The following HMCN1 variants were observed in gnomAD, a reference collection of about 807,000 sequenced individuals.
HMCN1 encodes the protein hemicentin 1.
In HMCN1, 321 loss-of-function variants were observed where a neutral mutation model predicts 625.9. That is an observed-to-expected ratio of 0.51 (90% confidence interval 0.47 to 0.56). The LOEUF is 0.56. HMCN1 is among the 20% of genes least tolerant of loss of function. The pLI, the probability that HMCN1 is intolerant of heterozygous loss-of-function variation, is 0.00. For missense variants in HMCN1, 6,588 were observed against 6,887.3 expected (o/e 0.96, Z 1.54); for synonymous variants, 2,425 against 2,417.6 (o/e 1.00, Z -0.09).
chr1:186,094,827 C>G (rs1660043157), intron 67 of HMCN1, among the ~76,000 whole-genome samples: 1 of 152,052 alleles, frequency 6.6e-6, no homozygotes, highest in Non-Finnish European at 1.5e-5. Context: ...TTTCTCAATC[C>G]CCAAGAACAC....
chr1:185,885,394 A>G (rs1334680298), intron 4 of HMCN1, among the ~76,000 whole-genome samples: 2 of 152,020 alleles, frequency 1.3e-5, no homozygotes, highest in Non-Finnish European at 2.9e-5. Context: ...ATTGAGTGTT[A>G]TAGTTGAAGC....
chr1:185,946,737 C>CT, intron 11 of HMCN1, among the ~76,000 whole-genome samples: 1 of 152,232 alleles, frequency 6.6e-6, no homozygotes, highest in African/African-American at 2.4e-5. Flanking sequence ...AAGTTCACGA[C>CT]TTTTTTGTTA....
At chr1:185,959,870 G>T (rs1156791766) in intron 11 of HMCN1, among the ~76,000 whole-genome samples, 1 of 152,170 alleles carries the variant, frequency 6.6e-6, no homozygotes, top group East Asian at 1.9e-4. Context: ...CTTCATTGAT[G>T]GAGTTGAACT....
chr1:185,871,212 G>C (rs560290911), intron 4 of HMCN1, among the ~76,000 whole-genome samples: 1 of 146,570 alleles, frequency 6.8e-6, no homozygotes, highest in Non-Finnish European at 1.5e-5. Context: ...CTGGGCGACA[G>C]AGAGAGACTC....
intron 1 of HMCN1, among the ~76,000 whole-genome samples, chr1:185,824,049 T>TA (rs1189142014): frequency 6.6e-6 from 1 of 152,192 alleles, no homozygotes; most frequent in Non-Finnish European, 1.5e-5. Flanking sequence ...GGAGTCTATT[T>TA]AAAAATATTC....
At chr1:185,744,926 T>C (rs577694773) in intron 1 of HMCN1, among the ~76,000 whole-genome samples, 31 of 152,206 alleles carry the variant, frequency 2.0e-4, no homozygotes, top group African/African-American at 7.2e-4. Context: ...AGCTGGGAGA[T>C]GAAATGTGAG....
In HMCN1 at chr1:185,789,628, T is replaced by C. The variant is rs191345783; in HGVS notation, c.268+54581T>C. ...AACCTGATGAATGACATATGACATA[T>C]GACATATGAATGAAGAATGATACTT... On this transcript the variant is annotated intron_variant, in intron 1 of 106. Transcript: ENST00000271588. Among the ~76,000 whole-genome samples, 129 of 152,282 alleles carry C rather than the reference T, an allele frequency of 8.5e-4. No individual in the cohort carries two copies. In the Middle Eastern group the frequency reaches 0.014, roughly 16 times the overall value.
At chr1:186,158,019 G>A (rs1184267925) in intron 97 of HMCN1, among the ~76,000 whole-genome samples, 4 of 150,420 alleles carry the variant, frequency 2.7e-5, no homozygotes, top group African/African-American at 9.8e-5. Context: ...TCGCCACACT[G>A]ACTTCCACAA....
chr1:185,895,227 G>A (rs958065211), intron 4 of HMCN1, among the ~76,000 whole-genome samples: 1 of 152,148 alleles, frequency 6.6e-6, no homozygotes, highest in Admixed American at 6.5e-5. Flanking sequence ...GCAAGTAAAA[G>A]CCATGGTTTA....
In HMCN1 at chr1:186,090,799, A is replaced by G. The variant is rs768158077; in HGVS notation, c.9769A>G (p.Ser3257Gly). 5 of 1,612,550 alleles carry G rather than the reference A, an allele frequency of 3.1e-6. No individual in the cohort carries two copies. In the African/African-American group the frequency reaches 5.3e-5, roughly 17 times the overall value. Residue 3257 changes from serine to glycine, a missense_variant, in exon 64 of 107, where the codon AGT (serine) becomes GGT (glycine). Physicochemically the swap from Ser to Gly is moderately conservative, Grantham distance 56. Coordinates refer to ENST00000271588, the MANE Select transcript of HMCN1 (RefSeq NM_031935.3). ...VAGAEIPSDVSVLLGENVELV... is the reference protein window; with the variant it reads ...VAGAEIPSDVGVLLGENVELV... ...TGGTGCTGAAATTCCAAGTGATGTC[A>G]GTGTCCTTCTAGGAGAAAATGTTGA...
chr1:185,947,107 G>T (rs1004884128), intron 11 of HMCN1, among the ~76,000 whole-genome samples: 9 of 152,170 alleles, frequency 5.9e-5, no homozygotes, highest in African/African-American at 1.9e-4. Context: ...TGCCAAGATA[G>T]ATTTTGCGTA....
At chr1:185,755,417 G>A (rs530151271) in intron 1 of HMCN1, among the ~76,000 whole-genome samples, 1 of 152,308 alleles carries the variant, frequency 6.6e-6, no homozygotes, top group South Asian at 2.1e-4. Flanking sequence ...GCTCAGGGAT[G>A]TCTAGACCAA....
At chr1:186,098,715 CAAAT>C (rs1157858398) in intron 68 of HMCN1, among the ~76,000 whole-genome samples, 4 of 151,944 alleles carry the variant, frequency 2.6e-5, no homozygotes, top group African/African-American at 7.2e-5. Flanking sequence ...ATCAGTATGT[CAAAT>C]AAATCCATGT....
At position 185,925,132 on chromosome 1, in the gene HMCN1, G is replaced by C; in HGVS notation, c.1371G>C (p.Leu457Phe). Residue 457 changes from leucine to phenylalanine, a missense_variant, in exon 9 of 107, where the codon TTG (leucine) becomes TTC (phenylalanine). Transcript: ENST00000271588. ...TTCCCTGCTCTGTTGACAGTCTTTT[G>C]CCCTTTACCTTGAGCTTTGTCAGAA... Reference protein sequence around the residue: ...GQIPCSVDSLLPFTLSFVRNG... With the variant: ...GQIPCSVDSLFPFTLSFVRNG... 1 of 1,613,872 alleles carries C rather than the reference G, an allele frequency of 6.2e-7. No individual in the cohort carries two copies. The highest frequency in any genetic ancestry group is 8.5e-7 in the Non-Finnish European group (1 of 1,179,880).
chr1:186,143,010 T>A (rs1015551440), intron 89 of HMCN1, among the ~76,000 whole-genome samples: 1 of 152,186 alleles, frequency 6.6e-6, no homozygotes, highest in Admixed American at 6.5e-5. Flanking sequence ...ACAGAAGTAG[T>A]TTTGAATATC....
At chr1:185,959,387 T>C (rs1369522280) in intron 11 of HMCN1, among the ~76,000 whole-genome samples, 2 of 152,188 alleles carry the variant, frequency 1.3e-5, no homozygotes, top group African/African-American at 4.8e-5. Flanking sequence ...CCACTTACAC[T>C]TCATTTTTGC....
intron 2 of HMCN1, among the ~76,000 whole-genome samples, chr1:185,857,419 G>C (rs1170927188): frequency 6.6e-6 from 1 of 152,002 alleles, no homozygotes; most frequent in African/African-American, 2.4e-5. Context: ...TTAGGGAGCT[G>C]TCTAATTCTA....
chr1:185,776,151 T>A (rs952929309), intron 1 of HMCN1, among the ~76,000 whole-genome samples: 1 of 152,224 alleles, frequency 6.6e-6, no homozygotes, highest in African/African-American at 2.4e-5. Flanking sequence ...TTCCTATTTA[T>A]TTTTATTAGA....
At chr1:185,920,741 A>G (rs1384409080) in intron 6 of HMCN1, among the ~76,000 whole-genome samples, 1 of 152,070 alleles carries the variant, frequency 6.6e-6, no homozygotes, top group African/African-American at 2.4e-5. Context: ...TGATTTATGC[A>G]CAGAACACTT....
Sources: gnomAD v4.1 joint callset for allele counts (sites outside exome capture counted in the v4.1 genomes callset) on GRCh38, gnomAD v4.1.1 for gene constraint, MANE v1.5 for transcripts, NCBI Gene and HGNC (gene_info 2026-07-23, HGNC 2026-07-21) for gene names.